Variants in CRIP2 observed in about 807,000 individuals in gnomAD.
The protein encoded by CRIP2 is cysteine-rich protein 2.
In CRIP2, 31 loss-of-function variants were observed where a neutral mutation model predicts 31.3. The ratio of observed to expected loss-of-function variants is 0.99; its 90% CI spans 0.74 to 1.34. The LOEUF is 1.34. Ranked by LOEUF, CRIP2 falls within the 40% of genes most tolerant of loss-of-function variation. The pLI, the probability that CRIP2 is intolerant of heterozygous loss-of-function variation, is 0.00. For missense variants in CRIP2, 389 were observed against 301.6 expected, an observed-to-expected ratio of 1.29 and a Z score of -2.15; for synonymous variants, 177 against 127.2, an observed-to-expected ratio of 1.39 and a Z score of -2.63.
Position 105,479,707 on chromosome 14 carries a change from C to G in CRIP2, c.*54C>G. On this transcript the variant is annotated 3_prime_UTR_variant, in exon 8 of 8. Coordinates refer to ENST00000329146, the MANE Select transcript of CRIP2 (RefSeq NM_001312.4). Reference sequence around the variant, plus strand: ...ACCTGCGCCCCAGACCCTGCAGGGGCCCCCCTGCTTGGCTCTGCTGGGAGA... The same window carrying G: ...ACCTGCGCCCCAGACCCTGCAGGGGGCCCCCTGCTTGGCTCTGCTGGGAGA... 2 of 1,556,064 alleles carry G rather than the reference C, an allele frequency of 1.3e-6. No homozygotes were observed. Among genetic ancestry groups the G allele is most frequent in the Admixed American group, 3.6e-5 (2 of 55,310 alleles).
Position 105,479,894 on chromosome 14 carries a change from C to T in CRIP2, c.*241C>T. On this transcript the variant is annotated 3_prime_UTR_variant, in exon 8 of 8. Coordinates refer to ENST00000329146, the MANE Select transcript of CRIP2 (RefSeq NM_001312.4). The stretch of plus-strand genomic sequence containing the variant: ...CCTTCTGTGTCTGCGTGTCCGAATC[C>T]CCGTGTGACCCTGTCCCAGCATTTT... 1.8e-6 allele frequency: 1 copy of T among 570,828 alleles called. No individual in the cohort carries two copies. Among genetic ancestry groups the T allele is most frequent in the Non-Finnish European group, 3.1e-6 (1 of 317,768 alleles). The allele number at this position is 570,828 out of a possible 1,614,324, so 35.4% of individuals were successfully genotyped here.
At chr14:105,475,772 C>T (rs2083919332) in intron 1 of CRIP2, 2 of 970,864 alleles carry the variant, frequency 2.1e-6, no homozygotes, top group Non-Finnish European at 2.4e-6. Context: ...CCCCTTCCTC[C>T]TGGCTGATTC....
Position 105,477,857 on chromosome 14 carries a change from C to T in CRIP2, c.44-409C>T, listed in dbSNP as rs1387255933. 7.1e-3 allele frequency among the ~76,000 whole-genome samples: 146 copies of T among 20,652 alleles called. 2 individuals are homozygous for T. Among genetic ancestry groups the T allele is most frequent in the African/African-American group, 9.4e-3 (135 of 14,334 alleles). The allele number at this position is 20,652 out of a possible 152,430, so 13.5% of individuals were successfully genotyped here. On this transcript the variant is annotated intron_variant, in intron 1 of 7. Transcript: ENST00000329146. ...GGGTGTGAGGCGGGTGTCCGGGAGG[C>T]AGGTGTTGGAGCGCGGGCAGGTGTT...
intron 1 of CRIP2, chr14:105,476,573 G>C: frequency 1.0e-6 from 1 of 985,490 alleles, no homozygotes; most frequent in Non-Finnish European, 1.2e-6. Flanking sequence ...GACCCACCCA[G>C]TGGGTCTGAG....
chr14:105,478,229 C>T lies in CRIP2; in HGVS notation c.44-37C>T, dbSNP rs781997765. On this transcript the variant is annotated intron_variant, in intron 1 of 7. Transcript: ENST00000329146. This position sits in a 1 kb window ranked among gnomAD's most constrained non-coding sequence, Gnocchi z 4.9. ...GGGGGCGGAGGGGGTGCGGGGCGCG[C>T]CCCGGCCCTGACCCCCCTGCCGCCC... 1.4e-5 allele frequency: 21 copies of T among 1,463,404 alleles called. No homozygotes were observed. The Admixed American group carries it at 2.1e-4, about 15-fold the overall frequency. 90.7% of individuals were successfully genotyped at this position (1,463,404 alleles called of 1,614,324 possible). A position where few individuals can be genotyped will look rare whatever the true frequency, so the allele number is the denominator to read the frequency against.
chr14:105,474,322 A>G (rs2083888256), upstream of CRIP2: 1 of 149,894 alleles, frequency 6.7e-6, no homozygotes, highest in South Asian at 2.1e-4. This position sits in a 1 kb window ranked among gnomAD's most constrained non-coding sequence, Gnocchi z 5.1. Context: ...TGCTATGGAA[A>G]CCGAGCAACA....
intron 1 of CRIP2, among the ~76,000 whole-genome samples, chr14:105,475,117 C>T (rs369209270): frequency 1.3e-5 from 2 of 152,212 alleles, no homozygotes; most frequent in Non-Finnish European, 1.5e-5. Flanking sequence ...CGCCCGAACC[C>T]CGAAGCGGCT....
At chr14:105,473,458 C>G (rs1555435172), upstream of CRIP2, 1 of 1,535,644 alleles carries the variant, frequency 6.5e-7, no homozygotes, top group Admixed American at 2.0e-5. Flanking sequence ...CCAGGAGCAC[C>G]GAGGGCCTCT....
chr14:105,476,459 C>T (rs1376024674), intron 1 of CRIP2: 1 of 985,546 alleles, frequency 1.0e-6, no homozygotes, highest in Non-Finnish European at 1.2e-6. Flanking sequence ...TTGAGGAGGC[C>T]ACCCCAGAGC....
At position 105,479,111 on chromosome 14, in the gene CRIP2, C is replaced by A. The variant is rs377536005; in HGVS notation, c.407-14C>A. On this transcript the variant is annotated splice_polypyrimidine_tract_variant and intron_variant, in intron 5 of 7. Coordinates refer to ENST00000329146, the MANE Select transcript of CRIP2 (RefSeq NM_001312.4). ...CCCGCCCCGGGGCTCGGCCTCACTC[C>A]TCCCCCTTTCCAGCTGAGAAGGTGA... 22 of 1,611,016 alleles carry A rather than the reference C, an allele frequency of 1.4e-5. No homozygotes were observed. Among genetic ancestry groups the A allele is most frequent in the South Asian group, 2.2e-5 (2 of 90,972 alleles).
In CRIP2 at chr14:105,480,015, T is replaced by C. The variant is rs2084058536; in HGVS notation, c.*362T>C. The C allele has an allele frequency of 1.1e-5, 3 of 281,332 alleles. No homozygotes were observed. Among genetic ancestry groups the C allele is most frequent in the East Asian group, 1.7e-4 (2 of 11,510 alleles). The allele number at this position is 281,332 out of a possible 1,614,324, so 17.4% of individuals were successfully genotyped here. ...TTATTTATGCTCCCTTCGTGGGTGA[T>C]GGCCACGCCCTCACCATGTCCCTGG... On this transcript the variant is annotated 3_prime_UTR_variant, in exon 8 of 8. Coordinates refer to ENST00000329146, the MANE Select transcript of CRIP2 (RefSeq NM_001312.4).
intron 1 of CRIP2, chr14:105,476,695 C>T: frequency 1.0e-6 from 1 of 985,536 alleles, no homozygotes; most frequent in Non-Finnish European, 1.2e-6. Context: ...TTCCTTGCTG[C>T]TGCTGGGACA....
rs1555436535 is a variant in CRIP2 at position 105,478,832 on chromosome 14, G to A, written c.298G>A (p.Glu100Lys). Reference protein sequence around the residue: ...PIEVPAARAEERKASGPPKGP... With the variant: ...PIEVPAARAEKRKASGPPKGP... ...CGAGGTCCCCGCGGCCCGAGCAGAG[G>A]AGCGGAAGGCGAGCGGCCCCCCGAA... The change falls in exon 4 of 8, where the codon GAG becomes AAG. Residue 100 changes from glutamate (E) to lysine (K), a missense_variant. Transcript: ENST00000329146. The surrounding 1 kb of genome is among the most constrained non-coding windows in gnomAD (Gnocchi z 4.9). The A allele has an allele frequency of 1.4e-6, 2 of 1,429,488 alleles. No individual in the cohort carries two copies. The highest frequency in any genetic ancestry group is 1.5e-5 in the South Asian group (1 of 66,924). The allele number at this position is 1,429,488 out of a possible 1,614,324, so 88.6% of individuals were successfully genotyped here.
chr14:105,476,510 T>C (rs1470881542), intron 1 of CRIP2: 17 of 985,352 alleles, frequency 1.7e-5, no homozygotes, highest in Non-Finnish European at 2.0e-5. Flanking sequence ...TTCTGAGCCA[T>C]TAGACCCAAT....
intron 1 of CRIP2, chr14:105,475,236 C>G (rs1297960633): frequency 4.1e-6 from 1 of 243,238 alleles, no homozygotes; most frequent in Non-Finnish European, 7.9e-6. Flanking sequence ...GTTCCTCGGA[C>G]GGCGCCGGGC....
Position 105,478,279 on chromosome 14 carries a change from C to T in CRIP2, c.57C>T (p.Ser19=), listed in dbSNP as rs781783768. ...CCTCCCGCTCAGCCGAGAAGGTGAG[C>T]TCCCTGGGGAAGGACTGGCACAAGT... ...DKTVYFAEKV[S]SLGKDWHKFC... The change falls in exon 2 of 8, where the codon AGC becomes AGT. Residue 19 remains serine (S), a synonymous_variant. Coordinates refer to ENST00000329146, the MANE Select transcript of CRIP2 (RefSeq NM_001312.4). This position sits in a 1 kb window ranked among gnomAD's most constrained non-coding sequence, Gnocchi z 4.9. 3.8e-6 allele frequency: 6 copies of T among 1,561,962 alleles called. No homozygotes were observed. The highest frequency in any genetic ancestry group is 3.7e-5 in the Admixed American group (2 of 53,934).
intron 1 of CRIP2, chr14:105,476,401 C>G (rs1162844622): frequency 3.0e-6 from 3 of 985,416 alleles, no homozygotes; most frequent in Non-Finnish European, 3.6e-6. Context: ...CCAGGCTGCC[C>G]CCGCAGCTCA....
chr14:105,472,975 G>A, upstream of CRIP2: 1 of 573,640 alleles, frequency 1.7e-6, no homozygotes, highest in Non-Finnish European at 3.1e-6. Flanking sequence ...TGGGGACCTT[G>A]GGGCAGGTGG....
intron 1 of CRIP2, chr14:105,476,583 G>A: frequency 1.0e-6 from 1 of 985,500 alleles, no homozygotes; most frequent in Non-Finnish European, 1.2e-6. Context: ...GTGGGTCTGA[G>A]GGCCAGTTCC....
Sources: gnomAD v4.1 joint callset for allele counts (sites outside exome capture counted in the v4.1 genomes callset) on GRCh38, gnomAD v4.1.1 for gene constraint, Gnocchi (gnomAD v3.1) non-coding constraint, MANE v1.5 for transcripts, NCBI Gene and HGNC (gene_info 2026-07-23, HGNC 2026-07-21) for gene names.